The following SLC44A3 variants were observed in gnomAD, a reference collection of about 807,000 sequenced individuals.
SLC44A3 encodes the protein solute carrier family 44 member 3, also known as choline transporter-like protein 3.
SLC44A3 carries 74 observed loss-of-function variants against 75.4 expected under a neutral mutation model. The observed-to-expected ratio is 0.98, with a 90% CI of 0.81 to 1.19. The LOEUF is 1.19. SLC44A3 is among the 50% of genes most tolerant of loss of function. The pLI is 0.00. For missense variants in SLC44A3, 700 were observed against 778.6 expected (o/e 0.90, Z 1.20); for synonymous variants, 310 against 296.9 (o/e 1.04, Z -0.45).
chr1:94,853,415 AG>A (rs770886372), intron 9 of SLC44A3, among the ~76,000 whole-genome samples: 4 of 152,348 alleles, frequency 2.6e-5, no homozygotes, highest in East Asian at 3.9e-4. Context: ...GGAAGCTGGA[AG>A]AGGAAAGAGT....
At chr1:94,857,681 C>T (rs1431607241) in intron 10 of SLC44A3, among the ~76,000 whole-genome samples, 181 bp downstream of exon 10, 3 of 152,134 alleles carry the variant, frequency 2.0e-5, no homozygotes, top group African/African-American at 7.2e-5. Context: ...AAATATTACA[C>T]CCTAAATCTG....
intron 12 of SLC44A3, among the ~76,000 whole-genome samples, chr1:94,881,086 G>A (rs1442873372): frequency 1.3e-5 from 2 of 152,130 alleles, no homozygotes; most frequent in Admixed American, 6.5e-5. Context: ...TGAAGCAAAT[G>A]CCTTTAAATT....
rs374380509 is a variant in SLC44A3 at position 94,845,402 on chromosome 1, T to C, written c.1010T>C (p.Phe337Ser). 26 of 1,613,970 alleles carry C rather than the reference T, an allele frequency of 1.6e-5. No homozygotes were observed. The highest frequency in any genetic ancestry group is 2.2e-5 in the Non-Finnish European group (26 of 1,180,034). The change falls in exon 9 of 15, where the codon TTT becomes TCT. Residue 337 changes from phenylalanine to serine, a missense_variant. Transcript: ENST00000271227. ...PFLLFQPLWT[F>S]AILIFFWVLW... ...CTGCTGTTCCAGCCACTGTGGACAT[T>C]TGCCATCCTCATTTTCTTCTGGGTC...
chr1:94,842,760 C>T (rs1261458404), intron 8 of SLC44A3, among the ~76,000 whole-genome samples: 2 of 152,234 alleles, frequency 1.3e-5, no homozygotes, highest in Non-Finnish European at 2.9e-5. Flanking sequence ...CCAGAGTCGT[C>T]GTTGCTGGTG....
Position 94,854,720 on chromosome 1 carries a change from C to T in SLC44A3, c.1073-2615C>T, listed in dbSNP as rs1036199194. 2.0e-5 allele frequency among the ~76,000 whole-genome samples: 3 copies of T among 150,014 alleles called. No individual in the cohort carries two copies. The South Asian group carries it at 6.3e-4, about 32-fold the overall frequency. ...TTGTCTAAACCAATGGTTCTCAAGC[C>T]CCCCGCGCCCCCCGGTGACTTTTTG... On this transcript the variant is annotated intron_variant, in intron 9 of 14. Transcript: ENST00000271227.
chr1:94,857,360 C>T lies in SLC44A3; in HGVS notation c.1098C>T (p.Gly366=). The T allele has an allele frequency of 6.2e-7, 1 of 1,610,280 alleles. No homozygotes were observed. The highest frequency in any genetic ancestry group is 8.5e-7 in the Non-Finnish European group (1 of 1,178,650). The change falls in exon 10 of 15, where the codon GGC becomes GGT. Residue 366 remains glycine, a synonymous_variant. Transcript: ENST00000271227. ...TAGAAQVMEG[G]QVEYKPLSGI... is the part of the protein sequence containing the mutation. ...GAGCTGCCCAGGTTATGGAAGGCGG[C>T]CAAGTGGAATATAAGCCCCTTTCGG...
chr1:94,864,834 T>G lies in SLC44A3; in HGVS notation c.1330T>G (p.Leu444Val). 1 of 1,614,146 alleles carries G rather than the reference T, an allele frequency of 6.2e-7. No homozygotes were observed. The highest frequency in any genetic ancestry group is 1.6e-4 in the Middle Eastern group (1 of 6,062). ...AGGAACCGTTGTGAAAGGGTCATTT[T>G]TAATCTCTGTGGTGAGGATTCCGAG... ...HQGTVVKGSF[L>V]ISVVRIPRII... The change falls in exon 11 of 15, where the codon TTA (leucine) becomes GTA (valine). Residue 444 changes from leucine to valine, a missense_variant. Coordinates refer to ENST00000271227, the MANE Select transcript of SLC44A3 (RefSeq NM_001114106.3).
At chr1:94,845,506 A>G in intron 9 of SLC44A3, 42 bp downstream of exon 9, 4 of 1,544,148 alleles carry the variant, frequency 2.6e-6, no homozygotes, top group Non-Finnish European at 3.5e-6. Flanking sequence ...TTGGAGTCAT[A>G]CACAGAAGAC....
chr1:94,835,081 A>G (rs1256156993), intron 5 of SLC44A3, among the ~76,000 whole-genome samples: 2 of 152,232 alleles, frequency 1.3e-5, no homozygotes, highest in South Asian at 4.1e-4. Context: ...TCTACAAATT[A>G]AGGGACATTT....
intron 12 of SLC44A3, among the ~76,000 whole-genome samples, chr1:94,882,770 A>G (rs978638766): frequency 6.6e-6 from 1 of 151,820 alleles, no homozygotes; most frequent in Non-Finnish European, 1.5e-5. Context: ...GACAAGGCTT[A>G]TCTAAAACAA....
chr1:94,826,612 TG>T (rs1661379877), intron 3 of SLC44A3, among the ~76,000 whole-genome samples: 1 of 147,510 alleles, frequency 6.8e-6, no homozygotes, highest in Non-Finnish European at 1.5e-5. Context: ...CACTCCAGCC[TG>T]GGTGACAGAG....
intron 6 of SLC44A3, chr1:94,839,054 G>T (rs1205694373): frequency 6.6e-6 from 1 of 152,172 alleles, no homozygotes; most frequent in African/African-American, 2.4e-5. Context: ...AGGAGAAGAG[G>T]TGGCAGAACT....
chr1:94,823,941 C>T (rs1051689135), intron 2 of SLC44A3, among the ~76,000 whole-genome samples: 2 of 152,204 alleles, frequency 1.3e-5, no homozygotes, highest in Non-Finnish European at 1.5e-5. Context: ...TCTTGTCCAA[C>T]AGAATTCCTG....
At chr1:94,860,526 T>C (rs931709698) in intron 10 of SLC44A3, among the ~76,000 whole-genome samples, 8 of 152,080 alleles carry the variant, frequency 5.3e-5, no homozygotes, top group African/African-American at 1.9e-4. Context: ...TCCAGAAGCT[T>C]CCCGAGGGAA....
At position 94,882,031 on chromosome 1, in the gene SLC44A3, A is replaced by G. The variant is rs186670435; in HGVS notation, c.1483-9099A>G. ...CGAGACTCCATCTAAAAAAAAAACA[A>G]AAAAACAAAAACCAACCTTCTAAAG... On this transcript the variant is annotated intron_variant, in intron 12 of 14. Coordinates refer to ENST00000271227, the MANE Select transcript of SLC44A3 (RefSeq NM_001114106.3). 6.9e-4 allele frequency among the ~76,000 whole-genome samples: 105 copies of G among 152,246 alleles called. 1 individual carries two copies. The highest frequency in any genetic ancestry group is 2.5e-3 in the African/African-American group (103 of 41,536).
At chr1:94,843,042 C>T (rs906430352) in intron 8 of SLC44A3, 3 of 152,344 alleles carry the variant, frequency 2.0e-5, no homozygotes, top group Non-Finnish European at 4.4e-5. Context: ...AGACACTCAA[C>T]AGAGTCTGCA....
rs184943086 is a variant in SLC44A3, at chr1:94,857,343, C to T, written c.1081C>T (p.Gln361Ter). 70 of 1,604,392 alleles carry T rather than the reference C, an allele frequency of 4.4e-5. No homozygotes were observed. In the East Asian group the frequency reaches 1.5e-3, roughly 34 times the overall value. Residue 361 changes from glutamine to a stop codon, truncating the protein, a stop_gained, in exon 10 of 15, where the codon CAG becomes TAG. Coordinates refer to ENST00000271227, the MANE Select transcript of SLC44A3 (RefSeq NM_001114106.3). LOFTEE classifies it high-confidence loss of function. The stretch of plus-strand genomic sequence containing the variant: ...TGTGTTTGAAACTTTAGGAGCTGCC[C>T]AGGTTATGGAAGGCGGCCAAGTGGA... ...LLSLGTAGAA[Q>*]VMEGGQVEYK...
intron 14 of SLC44A3, among the ~76,000 whole-genome samples, chr1:94,894,597 A>G (rs1395372705): frequency 6.6e-6 from 1 of 151,940 alleles, no homozygotes; most frequent in African/African-American, 2.4e-5. Flanking sequence ...ACACTTCCCC[A>G]TCTCCCTTTC....
chr1:94,860,397 T>A (rs1277965839), intron 10 of SLC44A3, among the ~76,000 whole-genome samples: 1 of 152,050 alleles, frequency 6.6e-6, no homozygotes, highest in East Asian at 1.9e-4. Flanking sequence ...GAGGATAAAT[T>A]TGGGAGACCC....
Sources: allele counts gnomAD v4.1 joint callset (sites outside exome capture counted in the v4.1 genomes callset), GRCh38; gene constraint gnomAD v4.1.1; transcripts MANE v1.5; gene names NCBI Gene and HGNC (gene_info 2026-07-23, HGNC 2026-07-21).